The following MVP variants were observed in gnomAD, a reference collection of about 807,000 sequenced individuals.
The protein encoded by MVP is lung resistance-related protein.
MVP carries 62 observed loss-of-function variants against 83.5 expected under a neutral mutation model. The ratio of observed to expected loss-of-function variants is 0.74; its 90% CI spans 0.61 to 0.92. The LOEUF is 0.92. Among genes scored for constraint, MVP ranks in the 40% least tolerant of loss-of-function variants. The pLI is 0.00. For missense variants in MVP, 1,000 were observed against 1,203.4 expected (o/e 0.83, Z 2.50); for synonymous variants, 505 against 504.1 (o/e 1.00, Z -0.02).
intron 10 of MVP, among the ~76,000 whole-genome samples, chr16:29,842,853 C>G (rs573731813): frequency 6.6e-6 from 1 of 152,216 alleles, no homozygotes; most frequent in Non-Finnish European, 1.5e-5. Flanking sequence ...CAGGACACTA[C>G]CCCAACTAAG....
In MVP at chr16:29,845,929, G is replaced by A; in HGVS notation, c.2088G>A (p.Gln696=). The A allele has an allele frequency of 1.9e-6, 3 of 1,614,236 alleles. No homozygotes were observed. Among genetic ancestry groups the A allele is most frequent in the Non-Finnish European group, 2.5e-6 (3 of 1,180,038 alleles). ...GRLERQKILD[Q]SEAEKARKEL... ...TTGAGCGGCAGAAGATCCTGGACCA[G>A]TCAGAAGCCGAGAAAGCTCGCAAGG... The change falls in exon 12 of 15, where the codon CAG becomes CAA. Residue 696 remains glutamine (Q), a synonymous_variant. Coordinates refer to ENST00000357402, the MANE Select transcript of MVP (RefSeq NM_005115.5).
chr16:29,846,104 C>T (rs761680487), intron 12 of MVP, 54 bp from the exon 13 acceptor site: 79 of 1,600,114 alleles, frequency 4.9e-5, no homozygotes, highest in Admixed American at 5.1e-5. Context: ...AAGCCAAGGC[C>T]GTGGGGGGAC....
intron 10 of MVP, among the ~76,000 whole-genome samples, chr16:29,843,925 A>T (rs1242314369): frequency 6.6e-6 from 1 of 152,192 alleles, no homozygotes; most frequent in African/African-American, 2.4e-5. Context: ...ACTCCCAAGC[A>T]TGTCCCTCAC....
rs1381246111 is a variant in MVP, at chr16:29,847,951, GCTC to G, written c.2647_2649del (p.Pro883del). The G allele has an allele frequency of 6.2e-7, 1 of 1,610,350 alleles. No homozygotes were observed. The highest frequency in any genetic ancestry group is 2.2e-5 in the East Asian group (1 of 44,880). On this transcript the variant is annotated inframe_deletion, in exon 15 of 15. Coordinates refer to ENST00000357402, the MANE Select transcript of MVP (RefSeq NM_005115.5). Reference sequence around the variant, plus strand: ...CCCCCAGTCTGCTCAGGCCCCTCAAGCTCCTGGAGACAACCACGTGGTGCCTGT... The same window carrying G: ...CCCCCAGTCTGCTCAGGCCCCTCAAGCTGGAGACAACCACGTGGTGCCTGT...
chr16:29,836,676 G>A (rs756016345), intron 6 of MVP, 46 bp from the exon 7 acceptor site: 1 of 1,478,354 alleles, frequency 6.8e-7, no homozygotes, highest in Non-Finnish European at 9.1e-7. Flanking sequence ...CAGATCCCCT[G>A]AAGTTGGAGG....
At chr16:29,831,881 A>G in intron 3 of MVP, 2 of 354,860 alleles carry the variant, frequency 5.6e-6, no homozygotes, top group South Asian at 2.1e-5. Context: ...TCCCACCTTC[A>G]TTCCTTTACC....
At chr16:29,844,256 T>C (rs772754344) in intron 10 of MVP, among the ~76,000 whole-genome samples, 1 of 152,140 alleles carries the variant, frequency 6.6e-6, no homozygotes, top group Non-Finnish European at 1.5e-5. Flanking sequence ...TAGCATTCTC[T>C]ATTGCGAGAG....
intron 14 of MVP, 21 bp downstream of exon 14, chr16:29,847,406 G>C (rs965646383): frequency 1.4e-5 from 21 of 1,523,818 alleles, no homozygotes; most frequent in Non-Finnish European, 1.5e-5. Flanking sequence ...GGGAAGGTGT[G>C]TTGGTTTCAG....
Position 29,841,564 on chromosome 16 carries a change from CG to C in MVP, c.1192-29del. 2 of 1,546,460 alleles carry C rather than the reference CG, an allele frequency of 1.3e-6. No individual in the cohort carries two copies. The highest frequency in any genetic ancestry group is 1.7e-6 in the Non-Finnish European group (2 of 1,145,732). ...CGGATCTTCCTCCCTTCCACCCTTACGGGCAGCTTCCCTCCCTGTCCTCGTC... is the reference window on the plus strand; with the variant it reads ...CGGATCTTCCTCCCTTCCACCCTTACGGCAGCTTCCCTCCCTGTCCTCGTC... On this transcript the variant is annotated intron_variant, in intron 8 of 14. Transcript: ENST00000357402. This position sits in a 1 kb window ranked among gnomAD's most constrained non-coding sequence, Gnocchi z 4.7.
Position 29,844,758 on chromosome 16 carries a change from G to T in MVP, c.1900G>T (p.Val634Leu). ...DQAVFPQNGL[V>L]VSSVDVQSVE... ...GGCTGTCTTCCCCCAAAACGGGCTG[G>T]TGGTCAGCAGTGTGGACGTGCAGTC... is the stretch of plus-strand genomic sequence containing the variant. The change falls in exon 11 of 15, where the codon GTG (valine) becomes TTG (leucine). Residue 634 changes from valine to leucine, a missense_variant. By Grantham distance (32) the Val-to-Leu change is conservative (BLOSUM62 1). Transcript: ENST00000357402. 6.2e-7 allele frequency: 1 copy of T among 1,611,922 alleles called. No individual in the cohort carries two copies. The highest frequency in any genetic ancestry group is 2.2e-5 in the East Asian group (1 of 44,888).
In MVP at chr16:29,847,893, G is replaced by A; in HGVS notation, c.2586G>A (p.Val862=). The A allele has an allele frequency of 6.2e-7, 1 of 1,614,012 alleles. No homozygotes were observed. Among genetic ancestry groups the A allele is most frequent in the Non-Finnish European group, 8.5e-7 (1 of 1,179,898 alleles). ...AGGGTCAGCCCCTGGGCAGAAGGGTGGCCAGTGGGCCCAGCCCTGGGGAGG... is the reference window on the plus strand; with the variant it reads ...AGGGTCAGCCCCTGGGCAGAAGGGTAGCCAGTGGGCCCAGCCCTGGGGAGG... ...GPEGQPLGRR[V]ASGPSPGEGI... The change falls in exon 15 of 15, where the codon GTG becomes GTA. Residue 862 remains valine (V), a synonymous_variant. Coordinates refer to ENST00000357402, the MANE Select transcript of MVP (RefSeq NM_005115.5).
At chr16:29,824,270 C>T (rs986425984) in intron 1 of MVP, among the ~76,000 whole-genome samples, 16 of 150,406 alleles carry the variant, frequency 1.1e-4, no homozygotes, top group Non-Finnish European at 1.5e-4. Context: ...GTGTGCAGCC[C>T]GAGCCGAGAG....
intron 1 of MVP, among the ~76,000 whole-genome samples, chr16:29,825,122 T>C (rs2067395975): frequency 6.6e-6 from 1 of 152,130 alleles, no homozygotes; most frequent in Non-Finnish European, 1.5e-5. Context: ...TTTACCCTCA[T>C]GGTGGGAGAG....
At chr16:29,832,292 CT>C (rs36059297) in intron 3 of MVP, among the ~76,000 whole-genome samples, 298 of 107,292 alleles carry the variant, frequency 2.8e-3, no homozygotes, top group African/African-American at 4.5e-3. Context: ...ATTCTTGTAC[CT>C]TTTTTTTTTT....
chr16:29,846,393 C>CT, intron 13 of MVP, 109 bp downstream of exon 13: 1 of 1,411,608 alleles, frequency 7.1e-7, no homozygotes, highest in East Asian at 2.6e-5. Flanking sequence ...ACATAAAGCC[C>CT]TATCCAAGTA....
Position 29,830,889 on chromosome 16 carries a change from C to A in MVP, c.137C>A (p.Ala46Asp). 1 of 1,611,842 alleles carries A rather than the reference C, an allele frequency of 6.2e-7. No homozygotes were observed. The highest frequency in any genetic ancestry group is 8.5e-7 in the Non-Finnish European group (1 of 1,178,316). Reference protein sequence around the residue: ...IRQDNERVLFAPMRMVTVPPR... With the variant: ...IRQDNERVLFDPMRMVTVPPR... The stretch of plus-strand genomic sequence containing the variant: ...TCATCTTCCTGCAGGGTACTGTTTG[C>A]CCCCATGCGCATGGTGACCGTCCCC... The change falls in exon 3 of 15, where the codon GCC becomes GAC. Residue 46 changes from alanine (A) to aspartate (D), a missense_variant. Physicochemically the swap from Ala to Asp is moderately radical, Grantham distance 126. Coordinates refer to ENST00000357402, the MANE Select transcript of MVP (RefSeq NM_005115.5).
intron 10 of MVP, among the ~76,000 whole-genome samples, chr16:29,843,577 G>A (rs1596927680): frequency 9.3e-6 from 1 of 107,196 alleles, no homozygotes; most frequent in African/African-American, 3.7e-5. Flanking sequence ...AGGGAGGGAG[G>A]GAGGAAGGGA....
At chr16:29,827,864 A>G (rs1454572288) in intron 1 of MVP, among the ~76,000 whole-genome samples, 1 of 152,150 alleles carries the variant, frequency 6.6e-6, no homozygotes, top group Non-Finnish European at 1.5e-5. Flanking sequence ...GCAGTGAGTC[A>G]TGATTGTGCC....
chr16:29,835,701 C>T lies in MVP; in HGVS notation c.578-3C>T. The stretch of plus-strand genomic sequence containing the variant: ...TGTCCCTTACCCTCCACTCTTGGCC[C>T]AGGGGAAGAATGGCTGGTCACCACA... On this transcript the variant is annotated splice_region_variant and splice_polypyrimidine_tract_variant and intron_variant, in intron 5 of 14. Coordinates refer to ENST00000357402, the MANE Select transcript of MVP (RefSeq NM_005115.5). 1 of 1,613,442 alleles carries T rather than the reference C, an allele frequency of 6.2e-7. No individual in the cohort carries two copies. The highest frequency in any genetic ancestry group is 8.5e-7 in the Non-Finnish European group (1 of 1,179,736).
Sources: allele counts gnomAD v4.1 joint callset (sites outside exome capture counted in the v4.1 genomes callset), GRCh38; gene constraint gnomAD v4.1.1; non-coding constraint Gnocchi (gnomAD v3.1); transcripts MANE v1.5; gene names NCBI Gene and HGNC (gene_info 2026-07-23, HGNC 2026-07-21).